The following RARB variants were observed in gnomAD, a reference collection of about 807,000 sequenced individuals.
RARB encodes HBV-activated protein.
RARB carries 17 observed loss-of-function variants against 51.9 expected under a neutral mutation model. The ratio of observed to expected loss-of-function variants is 0.33; its 90% CI spans 0.22 to 0.49. RARB has a LOEUF of 0.49. RARB is among the 20% of genes least tolerant of loss of function. RARB has a pLI of 0.99. For synonymous variants in RARB, 215 were observed against 195.4 expected, an observed-to-expected ratio of 1.10 and a Z score of -0.84; for missense variants, 369 against 550.8, an observed-to-expected ratio of 0.67 and a Z score of 3.30.
intron 5 of RARB, among the ~76,000 whole-genome samples, chr3:25,356,434 C>T (rs2125460680): frequency 6.6e-6 from 1 of 152,144 alleles, no homozygotes; most frequent in Middle Eastern, 3.4e-3. Context: ...AAGGGAAATT[C>T]TGCTTGATAA....
rs61498243 is a variant in RARB at position 25,504,770 on chromosome 3, C to CT, written c.448+3468dup. Among the ~76,000 whole-genome samples, 1,121 of 126,010 alleles carry CT rather than the reference C, an allele frequency of 8.9e-3. 9 individuals are homozygous for CT. Among genetic ancestry groups the CT allele is most frequent in the Non-Finnish European group, 0.012 (774 of 62,558 alleles). The allele number at this position is 126,010 out of a possible 152,430, so 82.7% of individuals were successfully genotyped here. On this transcript the variant is annotated intron_variant, in intron 3 of 7. Transcript: ENST00000330688. ...TATGTGCCAAGTATTACATTAACCA[C>CT]TTTTTTTTTTTTTTTTTTTTTGTGT...
At chr3:25,361,725 A>T (rs1168238993) in intron 5 of RARB, among the ~76,000 whole-genome samples, 1 of 152,056 alleles carries the variant, frequency 6.6e-6, no homozygotes, top group African/African-American at 2.4e-5. Flanking sequence ...TTTTCTTTCT[A>T]CCAGTCGGTC....
intron 2 of RARB, among the ~76,000 whole-genome samples, chr3:25,041,732 G>C (rs952801569): frequency 6.6e-6 from 1 of 151,852 alleles, no homozygotes; most frequent in Admixed American, 6.6e-5. Flanking sequence ...CTCCCCTAAT[G>C]CCAACTAGTA....
At chr3:25,314,167 A>G (rs1243684258) in intron 5 of RARB, among the ~76,000 whole-genome samples, 3 of 152,190 alleles carry the variant, frequency 2.0e-5, no homozygotes, top group African/African-American at 7.2e-5. Context: ...CAAATAAAAA[A>G]GAAAAAGCTG....
chr3:24,849,496 C>G (rs1037520475), intron 1 of RARB, among the ~76,000 whole-genome samples: 8 of 152,190 alleles, frequency 5.3e-5, no homozygotes, highest in Non-Finnish European at 1.2e-4. Flanking sequence ...CTGTGAGCCT[C>G]TGGTTACAAC....
At chr3:25,163,841 C>T (rs1559488484) in intron 4 of RARB, among the ~76,000 whole-genome samples, 1 of 151,944 alleles carries the variant, frequency 6.6e-6, no homozygotes, top group Non-Finnish European at 1.5e-5. Context: ...TTCTTTTGAC[C>T]TTAGGAGGTA....
At chr3:25,460,338 G>A (rs1387263315) in intron 1 of RARB, among the ~76,000 whole-genome samples, 1 of 151,992 alleles carries the variant, frequency 6.6e-6, no homozygotes, top group African/African-American at 2.4e-5. Context: ...GATCAGTTAT[G>A]GCTGCATCAT....
At chr3:25,175,314 T>C (rs1700722084) in intron 5 of RARB, among the ~76,000 whole-genome samples, 5 of 152,210 alleles carry the variant, frequency 3.3e-5, no homozygotes. Flanking sequence ...CTTACTTGGT[T>C]TAGCATCTGG....
chr3:25,069,526 T>C (rs539488344), intron 3 of RARB, among the ~76,000 whole-genome samples: 1 of 152,332 alleles, frequency 6.6e-6, no homozygotes, highest in South Asian at 2.1e-4. Context: ...AAGAGAACTC[T>C]GGAAACTTCC....
At chr3:25,298,892 C>T (rs1703977617) in intron 5 of RARB, among the ~76,000 whole-genome samples, 1 of 152,096 alleles carries the variant, frequency 6.6e-6, no homozygotes, top group African/African-American at 2.4e-5. Context: ...AGATGTGATT[C>T]CAAATTCCTG....
chr3:24,947,010 A>G (rs1313976406), intron 2 of RARB, among the ~76,000 whole-genome samples: 2 of 152,224 alleles, frequency 1.3e-5, no homozygotes, highest in Non-Finnish European at 2.9e-5. Flanking sequence ...TGCATTATAT[A>G]TAGGAAACGT....
At chr3:25,172,559 G>C (rs1700665172) in intron 4 of RARB, among the ~76,000 whole-genome samples, 1 of 152,106 alleles carries the variant, frequency 6.6e-6, no homozygotes, top group African/African-American at 2.4e-5. Context: ...AGTCAAGAAG[G>C]CTTAATGAGT....
At chr3:25,233,083 T>G (rs558098498) in intron 5 of RARB, among the ~76,000 whole-genome samples, 1 of 151,138 alleles carries the variant, frequency 6.6e-6, no homozygotes, top group East Asian at 2.0e-4. Flanking sequence ...TCCAGAGATT[T>G]TGCTGCTTCA....
At chr3:25,003,776 AACAGATAT>A (rs1229462310) in intron 2 of RARB, among the ~76,000 whole-genome samples, 1 of 152,164 alleles carries the variant, frequency 6.6e-6, no homozygotes, top group African/African-American at 2.4e-5. Context: ...AGGTGATATG[AACAGATAT>A]ACAGATAAAA....
chr3:25,312,952 C>G (rs1489338743), intron 5 of RARB, among the ~76,000 whole-genome samples: 1 of 152,208 alleles, frequency 6.6e-6, no homozygotes, highest in Non-Finnish European at 1.5e-5. Flanking sequence ...CCATCTGTAT[C>G]ACACCCTGGA....
intron 2 of RARB, among the ~76,000 whole-genome samples, chr3:24,908,882 T>G (rs951482818): frequency 1.3e-5 from 2 of 152,056 alleles, no homozygotes; most frequent in African/African-American, 4.8e-5. Context: ...TGACCCACAT[T>G]CTCTGCTTTC....
At chr3:25,197,550 C>T (rs1209604230) in intron 5 of RARB, among the ~76,000 whole-genome samples, 1 of 151,934 alleles carries the variant, frequency 6.6e-6, no homozygotes, top group Non-Finnish European at 1.5e-5. Flanking sequence ...AACCTAAAAA[C>T]TCCACCAAAA....
intron 5 of RARB, among the ~76,000 whole-genome samples, chr3:25,228,176 C>T (rs1021299450): frequency 1.4e-5 from 2 of 143,276 alleles, no homozygotes; most frequent in Admixed American, 1.4e-4. Context: ...TACAGAACTT[C>T]CTTTTTCATT....
chr3:25,086,462 T>C (rs888616199), intron 3 of RARB, among the ~76,000 whole-genome samples: 1 of 152,112 alleles, frequency 6.6e-6, no homozygotes, highest in Non-Finnish European at 1.5e-5. Context: ...TATGAAGAGT[T>C]TGAATTGTTG....
Sources: allele counts gnomAD v4.1 joint callset (sites outside exome capture counted in the v4.1 genomes callset), GRCh38; gene constraint gnomAD v4.1.1; transcripts MANE v1.5; gene names NCBI Gene and HGNC (gene_info 2026-07-23, HGNC 2026-07-21).